The following ADGRL3 variants were observed in gnomAD, a reference collection of about 807,000 sequenced individuals.
ADGRL3 encodes adhesion G protein-coupled receptor L3.
Under a neutral mutation model 153.5 loss-of-function variants are expected in ADGRL3, and 62 were observed. The ratio of observed to expected loss-of-function variants is 0.40; its 90% CI spans 0.33 to 0.50. ADGRL3 has a LOEUF of 0.50. Among genes scored for constraint, ADGRL3 ranks in the 20% least tolerant of loss-of-function variants. The pLI, the probability that ADGRL3 is intolerant of heterozygous loss-of-function variation, is 0.47. For synonymous variants in ADGRL3, 710 were observed against 672.5 expected, an observed-to-expected ratio of 1.06 and a Z score of -0.86; for missense variants, 1,641 against 1,859.4, an observed-to-expected ratio of 0.88 and a Z score of 2.16.
intron 8 of ADGRL3, among the ~76,000 whole-genome samples, chr4:61,780,407 A>T (rs1392689526): frequency 6.6e-6 from 1 of 152,214 alleles, no homozygotes; most frequent in Non-Finnish European, 1.5e-5. Context: ...GGGAGAGGTG[A>T]AAAATGGACA....
In ADGRL3 at chr4:61,228,982, A is replaced by C. The variant is rs562793008; in HGVS notation, c.-240+27217A>C. ...GCTGGAATTACAGGCGTGAGCCACC[A>C]CACCTGGCCTCTTATTTATCTTTGT... is the stretch of plus-strand genomic sequence containing the variant. On this transcript the variant is annotated intron_variant, in intron 1 of 26. Transcript: ENST00000683033. Among the ~76,000 whole-genome samples the C allele has an allele frequency of 2.0e-5, 3 of 152,234 alleles. No individual in the cohort carries two copies. The South Asian group carries it at 6.2e-4, about 32-fold the overall frequency.
chr4:61,736,043 A>G (rs1315085554), intron 8 of ADGRL3, among the ~76,000 whole-genome samples: 1 of 152,056 alleles, frequency 6.6e-6, no homozygotes, highest in Non-Finnish European at 1.5e-5. Context: ...ATATATGACT[A>G]TATGCTTTTT....
intron 25 of ADGRL3, among the ~76,000 whole-genome samples, chr4:62,057,653 T>A (rs1286412313): frequency 6.6e-6 from 1 of 152,112 alleles, no homozygotes; most frequent in Non-Finnish European, 1.5e-5. Context: ...ACCATGGTAA[T>A]GATTCACATA....
intron 1 of ADGRL3, among the ~76,000 whole-genome samples, chr4:61,329,463 T>A (rs2150936276): frequency 6.6e-6 from 1 of 152,258 alleles, no homozygotes; most frequent in Non-Finnish European, 1.5e-5. Flanking sequence ...AAAATTTCTC[T>A]TCAGGTTTAT....
chr4:61,579,213 G>A (rs1026226807), intron 4 of ADGRL3, among the ~76,000 whole-genome samples: 1 of 152,052 alleles, frequency 6.6e-6, no homozygotes, highest in Non-Finnish European at 1.5e-5. Flanking sequence ...CATCCACGTT[G>A]TAAGGGATCA....
intron 6 of ADGRL3, among the ~76,000 whole-genome samples, chr4:61,725,522 G>A (rs2096314650): frequency 6.6e-6 from 1 of 151,178 alleles, no homozygotes; most frequent in Non-Finnish European, 1.5e-5. Flanking sequence ...GTGAACCCGG[G>A]AGGCAGAGCT....
At chr4:61,276,196 AG>A (rs1481008623) in intron 1 of ADGRL3, among the ~76,000 whole-genome samples, 1 of 152,124 alleles carries the variant, frequency 6.6e-6, no homozygotes, top group Non-Finnish European at 1.5e-5. Context: ...CAACATCTTT[AG>A]TATGTTGACA....
intron 6 of ADGRL3, among the ~76,000 whole-genome samples, chr4:61,717,768 T>C (rs1426228527): frequency 6.6e-6 from 1 of 152,164 alleles, no homozygotes; most frequent in Non-Finnish European, 1.5e-5. Flanking sequence ...GCATTGTGGC[T>C]GACACCTGTA....
At chr4:62,028,506 C>T (rs941854132) in intron 21 of ADGRL3, among the ~76,000 whole-genome samples, 1 of 151,586 alleles carries the variant, frequency 6.6e-6, no homozygotes, top group Admixed American at 6.6e-5. Flanking sequence ...AAGCATGCCC[C>T]CAAGCCTTTC....
At position 61,851,647 on chromosome 4, in the gene ADGRL3, C is replaced by T. The variant is rs1462813443; in HGVS notation, c.1480+37758C>T. ...CTTTTGATTCAATGCATTTGAGTGT[C>T]ATTTTCAGGGGACAATTACTGACGA... On this transcript the variant is annotated intron_variant, in intron 9 of 26. Transcript: ENST00000683033. 1.1e-4 allele frequency among the ~76,000 whole-genome samples: 17 copies of T among 148,204 alleles called. No individual in the cohort carries two copies. In the Admixed American group the frequency reaches 1.1e-3, roughly 10 times the overall value.
At chr4:61,833,974 T>TG (rs1343436440) in intron 9 of ADGRL3, among the ~76,000 whole-genome samples, 1 of 151,626 alleles carries the variant, frequency 6.6e-6, no homozygotes, top group Admixed American at 6.6e-5. Flanking sequence ...TTTTTTTTTT[T>TG]TTTATTGTAC....
At chr4:61,392,863 C>A (rs1174943434) in intron 2 of ADGRL3, among the ~76,000 whole-genome samples, 1 of 151,152 alleles carries the variant, frequency 6.6e-6, no homozygotes, top group Admixed American at 6.6e-5. Context: ...ATGAATCTGG[C>A]ATTGGATATT....
intron 8 of ADGRL3, among the ~76,000 whole-genome samples, chr4:61,801,117 G>A (rs1426291302): frequency 6.6e-6 from 1 of 152,094 alleles, no homozygotes; most frequent in Non-Finnish European, 1.5e-5. Flanking sequence ...TTACACCTGT[G>A]GGTGAAAACG....
chr4:61,850,814 A>T (rs2098193151), intron 9 of ADGRL3, among the ~76,000 whole-genome samples: 1 of 152,222 alleles, frequency 6.6e-6, no homozygotes. Context: ...TAGACTATTT[A>T]TATAGTATCA....
intron 1 of ADGRL3, among the ~76,000 whole-genome samples, chr4:61,327,052 T>C (rs192510662): frequency 4.3e-4 from 66 of 152,150 alleles, no homozygotes; most frequent in Non-Finnish European, 7.8e-4. Flanking sequence ...TTGGAAATAG[T>C]GGTGTTCAGT....
At chr4:61,306,495 C>G (rs2094794811) in intron 1 of ADGRL3, among the ~76,000 whole-genome samples, 1 of 150,432 alleles carries the variant, frequency 6.6e-6, no homozygotes, top group African/African-American at 2.4e-5. Context: ...CACTGAGTAA[C>G]ATGTAAATTT....
intron 1 of ADGRL3, among the ~76,000 whole-genome samples, chr4:61,249,075 G>A (rs1758181291): frequency 6.6e-6 from 1 of 152,156 alleles, no homozygotes; most frequent in Non-Finnish European, 1.5e-5. Context: ...ATGAAGTTTA[G>A]ACAATTAGAG....
intron 4 of ADGRL3, among the ~76,000 whole-genome samples, chr4:61,543,965 T>A (rs560176552): frequency 6.6e-6 from 1 of 152,326 alleles, no homozygotes; most frequent in African/African-American, 2.4e-5. Flanking sequence ...CTCATATTAG[T>A]CCACTCTGTG....
chr4:61,451,362 A>G (rs938415405), intron 2 of ADGRL3, among the ~76,000 whole-genome samples: 2 of 152,172 alleles, frequency 1.3e-5, no homozygotes, highest in African/African-American at 4.8e-5. Flanking sequence ...AGGGCAAAAT[A>G]TGAGTTAGCT....
Sources: allele counts gnomAD v4.1 joint callset (sites outside exome capture counted in the v4.1 genomes callset), GRCh38; gene constraint gnomAD v4.1.1; transcripts MANE v1.5; gene names NCBI Gene and HGNC (gene_info 2026-07-23, HGNC 2026-07-21).